Variants in NRL observed in about 807,000 individuals in gnomAD.
NRL encodes neural retina-specific leucine zipper protein.
NRL carries 16 observed loss-of-function variants against 12.5 expected under a neutral mutation model. That is an observed-to-expected ratio of 1.28 (90% CI 0.87 to 1.95). The LOEUF is 1.95. Ranked by LOEUF, NRL falls within the 30% of genes most tolerant of loss-of-function variation. NRL has a pLI of 0.00. For missense variants in NRL, 314 were observed against 325.8 expected (o/e 0.96, Z 0.28); for synonymous variants, 142 against 150.9 (o/e 0.94, Z 0.43).
intron 1 of NRL, chr14:24,104,125 A>G (rs2037284798): frequency 4.9e-6 from 3 of 615,342 alleles, no homozygotes; most frequent in African/African-American, 3.7e-5. Context: ...TATCTATTTT[A>G]CACAAGATTT....
At chr14:24,107,414 C>T (rs2037355119) in intron 1 of NRL, among the ~76,000 whole-genome samples, 1 of 152,220 alleles carries the variant, frequency 6.6e-6, no homozygotes, top group Non-Finnish European at 1.5e-5. Context: ...ACCTTTGGAA[C>T]ACTACCCAGG....
At chr14:24,098,113 C>A in intron 1 of NRL, 1 of 1,046,646 alleles carries the variant, frequency 9.6e-7, no homozygotes, top group Non-Finnish European at 1.4e-6. Flanking sequence ...CAACAGAAGA[C>A]CTGGAGTCAA....
In NRL at chr14:24,082,758, G is replaced by C; in HGVS notation, c.91C>G (p.Arg31Gly). 1 of 1,614,194 alleles carries C rather than the reference G, an allele frequency of 6.2e-7. No homozygotes were observed. The highest frequency in any genetic ancestry group is 8.5e-7 in the Non-Finnish European group (1 of 1,180,028). ...FEVKREPSEG[R>G]PGPPTASLGS... is the part of the protein sequence containing the mutation. ...AGTGAGGCTGTAGGGGGGCCAGGTC[G>C]GCCCTCAGAGGGTTCCCGCTTTACC... Residue 31 changes from arginine to glycine, a missense_variant, in exon 2 of 3, where the codon CGA becomes GGA. Physicochemically the swap from Arg to Gly is moderately radical, Grantham distance 125 (BLOSUM62 -2). Transcript: ENST00000561028.
At chr14:24,097,020 G>A (rs937039468) in intron 1 of NRL, 13 of 1,612,278 alleles carry the variant, frequency 8.1e-6, no homozygotes, top group East Asian at 4.5e-5. Context: ...CACAGTGCCC[G>A]CCTGTGCCAA....
At chr14:24,098,052 C>T in intron 1 of NRL, 1 of 670,278 alleles carries the variant, frequency 1.5e-6, no homozygotes, top group South Asian at 2.1e-5. Context: ...TTAGATGGGA[C>T]AAAGCCTGGA....
rs759687732 is a variant in NRL, at chr14:24,103,717, G to T, written c.-28+11005C>A. 3 of 1,614,094 alleles carry T rather than the reference G, an allele frequency of 1.9e-6. No homozygotes were observed. Among genetic ancestry groups the T allele is most frequent in the African/African-American group, 2.7e-5 (2 of 74,924 alleles). Reference sequence around the variant, plus strand: ...AATGCTCGGGTGCTAGACTGGATCTGCCGGCGGTTAGAGGGGGAGGACAGT... The same window carrying T: ...AATGCTCGGGTGCTAGACTGGATCTTCCGGCGGTTAGAGGGGGAGGACAGT... On this transcript the variant is annotated intron_variant, in intron 1 of 2. Coordinates refer to ENST00000561028, the MANE Select transcript of NRL (RefSeq NM_001354768.3).
chr14:24,103,783 C>G (rs754432218), intron 1 of NRL: 3 of 1,614,096 alleles, frequency 1.9e-6, no homozygotes, highest in Non-Finnish European at 2.5e-6. Flanking sequence ...AAGGAAGGAG[C>G]CTTGGATCTC....
At chr14:24,098,045 G>T (rs1450918360) in intron 1 of NRL, among the ~76,000 whole-genome samples, 1 of 152,082 alleles carries the variant, frequency 6.6e-6, no homozygotes, top group Non-Finnish European at 1.5e-5. Context: ...ACACCCCTTA[G>T]ATGGGACAAA....
chr14:24,114,155 G>C (rs961979500), intron 1 of NRL: 2 of 152,350 alleles, frequency 1.3e-5, no homozygotes, highest in African/African-American at 4.8e-5. Flanking sequence ...AGGGCCAAGG[G>C]AGCGTCAAAG....
intron 1 of NRL, among the ~76,000 whole-genome samples, chr14:24,088,539 A>G (rs954090385): frequency 2.0e-5 from 3 of 152,270 alleles, no homozygotes; most frequent in Non-Finnish European, 4.4e-5. Context: ...CAAATAAAAT[A>G]CAAATCTGAA....
At chr14:24,099,748 G>C (rs756014094) in intron 1 of NRL, 54 of 1,606,248 alleles carry the variant, frequency 3.4e-5, no homozygotes, top group Non-Finnish European at 4.3e-5. Flanking sequence ...CATACTCTTG[G>C]TTCTGGCTCT....
At chr14:24,104,652 AC>A (rs200193501) in intron 1 of NRL, among the ~76,000 whole-genome samples, 9,488 of 142,788 alleles carry the variant, frequency 0.066, 880 homozygotes, top group African/African-American at 0.18. Flanking sequence ...AAAAAAAAAA[AC>A]AAAACAAAAC....
chr14:24,092,805 A>C (rs918801722), intron 1 of NRL, among the ~76,000 whole-genome samples: 10 of 152,230 alleles, frequency 6.6e-5, no homozygotes, highest in Non-Finnish European at 1.5e-5. Flanking sequence ...TAGCTTGAGC[A>C]AGAGAAGAAA....
At chr14:24,093,452 G>A (rs192686650) in intron 1 of NRL, 4 of 152,418 alleles carry the variant, frequency 2.6e-5, no homozygotes, top group African/African-American at 7.2e-5. Flanking sequence ...GGCCAAGGCA[G>A]GCGGATCACG....
chr14:24,095,771 C>T (rs1439475686), intron 1 of NRL, among the ~76,000 whole-genome samples: 4 of 152,338 alleles, frequency 2.6e-5, no homozygotes, highest in African/African-American at 9.6e-5. Context: ...GCTTCTCTGT[C>T]TCCCAGGGCC....
chr14:24,100,435 T>C (rs918061566), intron 1 of NRL: 2 of 1,024,430 alleles, frequency 2.0e-6, no homozygotes, highest in Non-Finnish European at 2.7e-6. Context: ...CCCTAAGCTT[T>C]AGTTTCCACA....
In NRL at chr14:24,094,209, C is replaced by G; in HGVS notation, c.-27-11334G>C. On this transcript the variant is annotated intron_variant, in intron 1 of 2. Coordinates refer to ENST00000561028, the MANE Select transcript of NRL (RefSeq NM_001354768.3). The surrounding 1 kb of genome is among the most constrained non-coding windows in gnomAD (Gnocchi z 4.1). The stretch of plus-strand genomic sequence containing the variant: ...GCCTGGAGCCCCGGGGCCGAGGGAG[C>G]TGGCCTGCCAGCGGGGCGGAGGAAA... 2 of 577,992 alleles carry G rather than the reference C, an allele frequency of 3.5e-6. No individual in the cohort carries two copies. The highest frequency in any genetic ancestry group is 3.4e-5 in the East Asian group (1 of 29,460). The allele number at this position is 577,992 out of a possible 1,614,324, so 35.8% of individuals were successfully genotyped here. A position where few individuals can be genotyped will look rare whatever the true frequency, so the allele number is the denominator to read the frequency against.
At chr14:24,105,480 T>A (rs950779729) in intron 1 of NRL, among the ~76,000 whole-genome samples, 1 of 152,230 alleles carries the variant, frequency 6.6e-6, no homozygotes, top group Non-Finnish European at 1.5e-5. Flanking sequence ...ATTTTACAGA[T>A]GAAGTAACAA....
chr14:24,110,789 C>A (rs1167727039), intron 1 of NRL, among the ~76,000 whole-genome samples: 8 of 152,160 alleles, frequency 5.3e-5, no homozygotes, highest in Non-Finnish European at 1.0e-4. Context: ...GGTCAAAGTG[C>A]AAGGCTGTGA....
Sources: gnomAD v4.1 joint callset for allele counts (sites outside exome capture counted in the v4.1 genomes callset) on GRCh38, gnomAD v4.1.1 for gene constraint, Gnocchi (gnomAD v3.1) non-coding constraint, MANE v1.5 for transcripts, NCBI Gene and HGNC (gene_info 2026-07-23, HGNC 2026-07-21) for gene names.